The following HPGD variants were observed in gnomAD, a reference collection of about 807,000 sequenced individuals.
HPGD encodes the protein 15-hydroxyprostaglandin dehydrogenase [NAD(+)].
A neutral mutation model predicts 30.0 loss-of-function variants in HPGD; 29 were observed. The observed-to-expected ratio is 0.97, with a 90% CI of 0.72 to 1.32. The LOEUF (loss-of-function observed/expected upper bound fraction) is 1.32, where lower values mean the gene tolerates loss of function less well. Ranked by LOEUF, HPGD falls within the 40% of genes most tolerant of loss-of-function variation. The pLI, the probability that HPGD is intolerant of heterozygous loss-of-function variation, is 0.00. For missense variants in HPGD, 340 were observed against 322.1 expected, an observed-to-expected ratio of 1.06 and a Z score of -0.43; for synonymous variants, 99 against 112.4, an observed-to-expected ratio of 0.88 and a Z score of 0.75.
intron 2 of HPGD, 112 bp downstream of exon 2, chr4:174,521,832 G>T: frequency 2.4e-6 from 3 of 1,224,812 alleles, no homozygotes; most frequent in Non-Finnish European, 2.4e-6. Flanking sequence ...CAAGGTAGCT[G>T]CTCTCGAGGA....
At chr4:174,510,386 T>C (rs1735424617) in intron 3 of HPGD, among the ~76,000 whole-genome samples, 1 of 152,216 alleles carries the variant, frequency 6.6e-6, no homozygotes. Flanking sequence ...TGGCTGAAAT[T>C]AATGAAGCCA....
chr4:174,505,184 T>TCA (rs1196578589), intron 4 of HPGD, among the ~76,000 whole-genome samples: 2 of 152,242 alleles, frequency 1.3e-5, no homozygotes, highest in Non-Finnish European at 2.9e-5. Flanking sequence ...GCGTCAGTGG[T>TCA]CATTACTCAT....
Position 174,490,225 on chromosome 4 carries a change from G to A in HPGD, c.*1731C>T, listed in dbSNP as rs1183664856. The A allele has an allele frequency of 6.6e-6, 1 of 152,216 alleles. No individual in the cohort carries two copies. Among genetic ancestry groups the A allele is most frequent in the East Asian group, 1.9e-4 (1 of 5,328 alleles). The allele number at this position is 152,216 out of a possible 1,614,324, so 9.4% of individuals were successfully genotyped here. The stretch of plus-strand genomic sequence containing the variant: ...TTATTTTCTCAATCAGTATACACCA[G>A]AGATGCCATATAACCATATGAATTT... On this transcript the variant is annotated 3_prime_UTR_variant, in exon 7 of 7. Coordinates refer to ENST00000296522, the MANE Select transcript of HPGD (RefSeq NM_000860.6). The surrounding 1 kb of genome is among the most constrained non-coding windows in gnomAD (Gnocchi z 4.4).
rs748102239 is a variant in HPGD at position 174,492,590 on chromosome 4, A to T, written c.663-496T>A. ...TCAAAGTCCCTAAGTCTGTTGTATT[A>T]TCTCTATTTTATATGTGAGAAAATT... On this transcript the variant is annotated intron_variant, in intron 6 of 6. Transcript: ENST00000296522. The surrounding 1 kb of genome is among the most constrained non-coding windows in gnomAD (Gnocchi z 4.9). Among the ~76,000 whole-genome samples, 1 of 152,038 alleles carries T rather than the reference A, an allele frequency of 6.6e-6. No homozygotes were observed. Among genetic ancestry groups the T allele is most frequent in the Non-Finnish European group, 1.5e-5 (1 of 67,914 alleles).
intron 5 of HPGD, chr4:174,495,306 C>T (rs940906456): frequency 9.3e-6 from 5 of 538,380 alleles, no homozygotes; most frequent in Middle Eastern, 5.2e-4. Flanking sequence ...CTCCCCATTA[C>T]TTATCCTTAA....
rs1469361925 is a variant in HPGD, at chr4:174,495,577, C to T, written c.469G>A (p.Gly157Ser). ...QQPVYCASKH[G>S]IVGFTRSAAL... Reference sequence around the variant, plus strand: ...GCTGAGCGTGTGAATCCAACTATGCCATGCTTTGAAGCACAATAAACCGGC... The same window carrying T: ...GCTGAGCGTGTGAATCCAACTATGCTATGCTTTGAAGCACAATAAACCGGC... Residue 157 changes from glycine (G) to serine (S), a missense_variant, in exon 5 of 7, where the codon GGC becomes AGC. By Grantham distance (56) the Gly-to-Ser change is moderately conservative. Coordinates refer to ENST00000296522, the MANE Select transcript of HPGD (RefSeq NM_000860.6). 1 of 1,613,674 alleles carries T rather than the reference C, an allele frequency of 6.2e-7. No individual in the cohort carries two copies. The highest frequency in any genetic ancestry group is 8.5e-7 in the Non-Finnish European group (1 of 1,179,766).
intron 2 of HPGD, 104 bp downstream of exon 2, chr4:174,521,837 CGAG>C (rs1283836121): frequency 1.5e-6 from 2 of 1,313,888 alleles, no homozygotes; most frequent in Non-Finnish European, 2.2e-6. Flanking sequence ...TAGCTGCTCT[CGAG>C]GAGGCAGCGG....
intron 4 of HPGD, among the ~76,000 whole-genome samples, chr4:174,502,932 G>T (rs1206854317): frequency 1.3e-5 from 2 of 152,034 alleles, no homozygotes; most frequent in Non-Finnish European, 2.9e-5. Context: ...TATCACCTGG[G>T]AGCACAATTT....
At chr4:174,505,913 C>A (rs1249311325) in intron 4 of HPGD, among the ~76,000 whole-genome samples, 2 of 152,134 alleles carry the variant, frequency 1.3e-5, no homozygotes, top group African/African-American at 4.8e-5. Flanking sequence ...GAGGGAGAAG[C>A]AGTTTGTAAT....
At chr4:174,517,028 T>C (rs1735814361) in intron 3 of HPGD, among the ~76,000 whole-genome samples, 2 of 152,160 alleles carry the variant, frequency 1.3e-5, no homozygotes, top group South Asian at 2.1e-4. Context: ...AGTGGCCAAA[T>C]TGTACTCTAC....
chr4:174,498,383 G>T (rs183162558), intron 4 of HPGD, among the ~76,000 whole-genome samples: 1 of 151,914 alleles, frequency 6.6e-6, no homozygotes, highest in African/African-American at 2.4e-5. Flanking sequence ...CGTATTGAAA[G>T]TATACAGTTT....
chr4:174,493,757 A>G (rs1395223110), intron 5 of HPGD, among the ~76,000 whole-genome samples: 2 of 152,230 alleles, frequency 1.3e-5, no homozygotes, highest in African/African-American at 4.8e-5. Flanking sequence ...CCTATCTGGA[A>G]GACAATTTAA....
At position 174,521,984 on chromosome 4, in the gene HPGD, C is replaced by A. The variant is rs779457875; in HGVS notation, c.177G>T (p.Leu59=). 1.9e-6 allele frequency: 3 copies of A among 1,614,012 alleles called. No individual in the cohort carries two copies. The highest frequency in any genetic ancestry group is 1.7e-5 in the Admixed American group (1 of 60,010). The change falls in exon 2 of 7, where the codon CTG becomes CTT. Residue 59 remains leucine (L), a synonymous_variant. Coordinates refer to ENST00000296522, the MANE Select transcript of HPGD (RefSeq NM_000860.6). The part of the protein sequence containing the change: ...LDEQFEPQKT[L]FIQCDVADQQ... ...GGTCAGCCACATCGCACTGGATGAA[C>A]AGAGTCTTCTGAGGTTCAAACTGCT...
chr4:174,516,257 G>C (rs1735765342), intron 3 of HPGD, among the ~76,000 whole-genome samples: 1 of 151,978 alleles, frequency 6.6e-6, no homozygotes, highest in Middle Eastern at 3.2e-3. Context: ...CCATCAACGG[G>C]GGACTGGATA....
At chr4:174,517,316 A>G (rs1735837173) in intron 3 of HPGD, among the ~76,000 whole-genome samples, 2 of 151,990 alleles carry the variant, frequency 1.3e-5, no homozygotes, top group Non-Finnish European at 2.9e-5. Flanking sequence ...CTTTCAGGAT[A>G]AAAAGTCCTA....
intron 4 of HPGD, chr4:174,506,947 G>C (rs1034215035): frequency 4.6e-5 from 7 of 152,138 alleles, no homozygotes; most frequent in Non-Finnish European, 1.0e-4. Flanking sequence ...GACCCTCTTA[G>C]CTTTATGAAA....
chr4:174,503,903 T>C (rs766053841), intron 4 of HPGD, among the ~76,000 whole-genome samples: 18 of 152,044 alleles, frequency 1.2e-4, no homozygotes, highest in Non-Finnish European at 2.5e-4. Context: ...TTAAAAATTT[T>C]TATACAGATG....
intron 1 of HPGD, 91 bp downstream of exon 1, chr4:174,522,268 C>T: frequency 1.4e-6 from 2 of 1,385,712 alleles, no homozygotes; most frequent in South Asian, 2.4e-5. Flanking sequence ...CCGGGCGCGG[C>T]CTCCCTGTCT....
intron 4 of HPGD, among the ~76,000 whole-genome samples, chr4:174,502,669 C>T (rs1734976141): frequency 9.3e-6 from 1 of 107,212 alleles, no homozygotes; most frequent in Non-Finnish European, 1.9e-5. Context: ...CAGAGCGAGA[C>T]TCCGTCTCAA....
Sources: gnomAD v4.1 joint callset for allele counts (sites outside exome capture counted in the v4.1 genomes callset) on GRCh38, gnomAD v4.1.1 for gene constraint, Gnocchi (gnomAD v3.1) non-coding constraint, MANE v1.5 for transcripts, NCBI Gene and HGNC (gene_info 2026-07-23, HGNC 2026-07-21) for gene names.